LPA: variants seen among roughly 807,000 people sequenced by gnomAD.
LPA encodes the protein lipoprotein(a), also known as apolipoprotein(a).
LPA carries 199 observed loss-of-function variants against 197.9 expected under a neutral mutation model. That is an observed-to-expected ratio of 1.01 (90% CI 0.90 to 1.13). LPA has a LOEUF of 1.13. Ranked by LOEUF, LPA falls within the 50% of genes most tolerant of loss-of-function variation. The pLI is 0.00. For synonymous variants in LPA, 715 were observed against 639.5 expected (o/e 1.12, Z -1.78); for missense variants, 1,853 against 1,785.8 (o/e 1.04, Z -0.68).
Position 160,578,724 on chromosome 6 carries a change from A to G in LPA, c.4290-20T>C, listed in dbSNP as rs752907138. ...AGGCCACTGCAAATTTCAAAACAAC[A>G]CAGGTCACCAGAGATGGGAGAATAT... On this transcript the variant is annotated intron_variant, in intron 26 of 38. Transcript: ENST00000316300. 1.9e-6 allele frequency: 3 copies of G among 1,613,568 alleles called. No individual in the cohort carries two copies. In the Admixed American group the frequency reaches 5.0e-5, roughly 27 times the overall value.
rs150170051 is a variant in LPA, at chr6:160,570,239, C to T, written c.4631+6897G>A. On this transcript the variant is annotated intron_variant, in intron 28 of 38. Transcript: ENST00000316300. ...AGCAAAGACTTGGAACCAACACAAA[C>T]GTCCATCAATGGTAGACTGGATTAA... Among the ~76,000 whole-genome samples, 10 of 152,226 alleles carry T rather than the reference C, an allele frequency of 6.6e-5. No homozygotes were observed. The East Asian group carries it at 1.5e-3, about 24-fold the overall frequency.
intron 28 of LPA, among the ~76,000 whole-genome samples, chr6:160,576,392 A>ATATATATATATATATATATG (rs1778672060): frequency 1.5e-5 from 1 of 68,040 alleles, no homozygotes; most frequent in African/African-American, 7.9e-5. Flanking sequence ...ATATATATGT[A>ATATATATATATATATATATG]TATATATATA....
chr6:160,605,201 T>G lies in LPA; in HGVS notation c.2790A>C (p.Pro930=). The change falls in exon 18 of 39, where the codon CCA becomes CCC. Residue 930 remains proline (P), a synonymous_variant. Coordinates refer to ENST00000316300, the MANE Select transcript of LPA (RefSeq NM_005577.4). ...PSLEAPSEQA[P]TEQRPGVQEC... ...CCTGCACCCCAGGCCTTTGCTCAGT[T>G]GGTGCTGAAATGAAAAGAAAAGAAA... 6.2e-7 allele frequency: 1 copy of G among 1,613,694 alleles called. No individual in the cohort carries two copies. Among genetic ancestry groups the G allele is most frequent in the East Asian group, 2.2e-5 (1 of 44,868 alleles).
chr6:160,559,645 G>C (rs1328027990), intron 28 of LPA, among the ~76,000 whole-genome samples: 1 of 152,156 alleles, frequency 6.6e-6, no homozygotes. Context: ...CATATGATAA[G>C]AGTTTTATAA....
At chr6:160,656,582 T>A (rs879693777) in intron 1 of LPA, among the ~76,000 whole-genome samples, 3 of 152,202 alleles carry the variant, frequency 2.0e-5, no homozygotes, top group Non-Finnish European at 2.9e-5. Flanking sequence ...AGAGCCAGTG[T>A]CCAGTACTTT....
chr6:160,650,554 G>A (rs748691218), intron 1 of LPA, 57 bp from the exon 2 acceptor site: 19 of 1,555,166 alleles, frequency 1.2e-5, no homozygotes, highest in Non-Finnish European at 1.7e-5. Flanking sequence ...AAAAAAATGT[G>A]AAGTCATTTA....
At chr6:160,585,291 T>G in intron 25 of LPA, 86 bp from the exon 26 acceptor site, 2 of 1,316,510 alleles carry the variant, frequency 1.5e-6, no homozygotes, top group South Asian at 1.2e-5. Context: ...TGGAATAATC[T>G]GAGGATTAAC....
intron 28 of LPA, among the ~76,000 whole-genome samples, chr6:160,574,232 T>C (rs1262696984): frequency 6.6e-6 from 1 of 151,802 alleles, no homozygotes; most frequent in Non-Finnish European, 1.5e-5. Context: ...GAAGGGCTGG[T>C]CTTACTCCCA....
chr6:160,572,819 T>A lies in LPA; in HGVS notation c.4631+4317A>T, dbSNP rs536754087. Reference sequence around the variant, plus strand: ...TCCTTTATACATTACCTGGTGCTTCTGTCTCACAGCTCTTAAGATTCTTGC... The same window carrying A: ...TCCTTTATACATTACCTGGTGCTTCAGTCTCACAGCTCTTAAGATTCTTGC... On this transcript the variant is annotated intron_variant, in intron 28 of 38. Transcript: ENST00000316300. Among the ~76,000 whole-genome samples, 344 of 152,358 alleles carry A rather than the reference T, an allele frequency of 2.3e-3. 1 individual carries two copies. The highest frequency in any genetic ancestry group is 7.9e-3 in the African/African-American group (327 of 41,592).
At chr6:160,656,739 TC>T (rs1161011956) in intron 1 of LPA, among the ~76,000 whole-genome samples, 1 of 152,158 alleles carries the variant, frequency 6.6e-6, no homozygotes, top group Non-Finnish European at 1.5e-5. Flanking sequence ...GGATCCAGCC[TC>T]CCCTTCATTC....
intron 16 of LPA, among the ~76,000 whole-genome samples, chr6:160,608,841 G>GTGTC (rs2115063973): frequency 6.6e-6 from 1 of 151,900 alleles, no homozygotes; most frequent in South Asian, 2.1e-4. Context: ...GTGTGTGTGT[G>GTGTC]TGAACTTGTG....
intron 19 of LPA, among the ~76,000 whole-genome samples, chr6:160,600,263 C>T (rs978663072): frequency 3.3e-5 from 5 of 152,170 alleles, no homozygotes; most frequent in African/African-American, 7.2e-5. Context: ...CAGCATAATG[C>T]ATTGCAATAA....
At chr6:160,646,694 C>A (rs1384907701) in intron 2 of LPA, among the ~76,000 whole-genome samples, 4 of 135,578 alleles carry the variant, frequency 3.0e-5, no homozygotes, top group African/African-American at 5.8e-5. Flanking sequence ...GAGTATTCTC[C>A]TTCTGCCTTC....
At chr6:160,611,509 A>G in intron 16 of LPA, 53 bp downstream of exon 16, 1 of 1,602,264 alleles carries the variant, frequency 6.2e-7, no homozygotes, top group South Asian at 1.1e-5. Flanking sequence ...GTCTCTTGTC[A>G]CAGAAACTTC....
intron 20 of LPA, among the ~76,000 whole-genome samples, chr6:160,597,524 T>C (rs930878359): frequency 6.6e-6 from 1 of 152,240 alleles, no homozygotes; most frequent in African/African-American, 2.4e-5. Flanking sequence ...GTAGATTCTA[T>C]TGAATTATTT....
intron 32 of LPA, among the ~76,000 whole-genome samples, chr6:160,546,903 C>T (rs903746624): frequency 1.7e-4 from 26 of 152,144 alleles, no homozygotes; most frequent in African/African-American, 6.0e-4. Flanking sequence ...TAAGGGAAGT[C>T]TCATGGTGAC....
intron 22 of LPA, among the ~76,000 whole-genome samples, chr6:160,592,912 C>A (rs961647809): frequency 3.3e-5 from 5 of 152,198 alleles, no homozygotes; most frequent in Admixed American, 2.6e-4. Context: ...GCTATGTGAG[C>A]TCTAGCATCT....
chr6:160,660,185 T>A (rs1278512541), intron 1 of LPA, among the ~76,000 whole-genome samples: 1 of 120,292 alleles, frequency 8.3e-6, no homozygotes, highest in East Asian at 2.0e-4. Context: ...GTATACTAAC[T>A]GCAACCGTGT....
intron 30 of LPA, among the ~76,000 whole-genome samples, chr6:160,550,908 C>T (rs1327032388): frequency 6.6e-6 from 1 of 152,162 alleles, no homozygotes; most frequent in Admixed American, 6.5e-5. Flanking sequence ...CATTGTATGA[C>T]TAGTTCACAA....
Sources: allele counts gnomAD v4.1 joint callset (sites outside exome capture counted in the v4.1 genomes callset), GRCh38; gene constraint gnomAD v4.1.1; transcripts MANE v1.5; gene names NCBI Gene and HGNC (gene_info 2026-07-23, HGNC 2026-07-21).